UNC5A: variants seen among roughly 807,000 people sequenced by gnomAD.
The protein encoded by UNC5A is netrin receptor UNC5A.
In UNC5A, 20 loss-of-function variants were observed where a neutral mutation model predicts 87.4. The ratio of observed to expected loss-of-function variants is 0.23; its 90% CI spans 0.16 to 0.33. UNC5A has a LOEUF of 0.33. UNC5A is among the 10% of genes least tolerant of loss of function. The pLI, the probability that UNC5A is intolerant of heterozygous loss-of-function variation, is 1.00. For missense variants in UNC5A, 844 were observed against 1,133.4 expected, an observed-to-expected ratio of 0.74 and a Z score of 3.67; for synonymous variants, 438 against 482.3, an observed-to-expected ratio of 0.91 and a Z score of 1.20.
intron 2 of UNC5A, 81 bp downstream of exon 2, chr5:176,862,926 C>CA: frequency 6.5e-7 from 1 of 1,526,758 alleles, no homozygotes; most frequent in Non-Finnish European, 8.9e-7. Context: ...CAGCTGCCCC[C>CA]AGGATTCCCC....
chr5:176,860,761 T>C (rs1757816298), intron 1 of UNC5A, among the ~76,000 whole-genome samples: 3 of 152,270 alleles, frequency 2.0e-5, no homozygotes, highest in African/African-American at 4.8e-5. Flanking sequence ...TTTCACGACA[T>C]GTGAACTGCA....
intron 1 of UNC5A, among the ~76,000 whole-genome samples, chr5:176,857,900 A>G (rs1000143): frequency 0.89 from 134,902 of 152,238 alleles, 60,042 homozygotes; most frequent in Non-Finnish European, 0.91. Context: ...GTGACATGGC[A>G]GAAGGAGCCT....
intron 1 of UNC5A, among the ~76,000 whole-genome samples, chr5:176,852,520 T>C (rs1037174182): frequency 6.6e-6 from 1 of 152,236 alleles, no homozygotes; most frequent in Non-Finnish European, 1.5e-5. Context: ...TGCAGCTTAT[T>C]AAGTTCTAAC....
At chr5:176,852,813 C>T (rs1031759663) in intron 1 of UNC5A, among the ~76,000 whole-genome samples, 3 of 152,258 alleles carry the variant, frequency 2.0e-5, no homozygotes, top group Non-Finnish European at 2.9e-5. Context: ...CCAGTTCACT[C>T]TGCGTTTGCG....
In UNC5A at chr5:176,862,718, C is replaced by T. The variant is rs759861692; in HGVS notation, c.165C>T (p.Ile55=). 10 of 1,613,456 alleles carry T rather than the reference C, an allele frequency of 6.2e-6. No individual in the cohort carries two copies. The highest frequency in any genetic ancestry group is 4.5e-5 in the East Asian group (2 of 44,894). ...TGGTGGAGCCCGAGGATGTGTACAT[C>T]GTCAAGAACAAGCCAGTGCTGCTTG... The part of the protein sequence containing the change: ...HFLVEPEDVY[I]VKNKPVLLVC... The change falls in exon 2 of 15, where the codon ATC becomes ATT. Residue 55 remains isoleucine, a synonymous_variant. Coordinates refer to ENST00000329542, the MANE Select transcript of UNC5A (RefSeq NM_133369.3).
At chr5:176,812,313 G>A (rs959565574) in intron 1 of UNC5A, among the ~76,000 whole-genome samples, 1 of 152,350 alleles carries the variant, frequency 6.6e-6, no homozygotes, top group Non-Finnish European at 1.5e-5. Context: ...CTGACACCCA[G>A]TAGGTACCCT....
chr5:176,861,720 C>A (rs1162867458), intron 1 of UNC5A, among the ~76,000 whole-genome samples: 1 of 152,224 alleles, frequency 6.6e-6, no homozygotes, highest in South Asian at 2.1e-4. Flanking sequence ...AAGGTCACCA[C>A]TAAGATGAGC....
At chr5:176,852,911 C>A (rs1393478838) in intron 1 of UNC5A, among the ~76,000 whole-genome samples, 1 of 152,238 alleles carries the variant, frequency 6.6e-6, no homozygotes, top group Non-Finnish European at 1.5e-5. Context: ...GCTGTTGTGA[C>A]ATGTTTTACG....
Position 176,844,991 on chromosome 5 carries a change from G to A in UNC5A, c.71-17633G>A, listed in dbSNP as rs1275673968. Among the ~76,000 whole-genome samples the A allele has an allele frequency of 6.6e-6, 1 of 152,142 alleles. No individual in the cohort carries two copies. The highest frequency in any genetic ancestry group is 1.5e-5 in the Non-Finnish European group (1 of 68,022). On this transcript the variant is annotated intron_variant, in intron 1 of 14. Coordinates refer to ENST00000329542, the MANE Select transcript of UNC5A (RefSeq NM_133369.3). The surrounding 1 kb of genome is among the most constrained non-coding windows in gnomAD (Gnocchi z 4.2). ...GGGCGGTGGTCTTGCCCTCCCCTGA[G>A]AGTGAGCAGTAGGCCAAGGTTTCTC...
chr5:176,829,881 C>CTTTTTTTTTT (rs70991576), intron 1 of UNC5A, among the ~76,000 whole-genome samples: 5 of 87,368 alleles, frequency 5.7e-5, no homozygotes, highest in Admixed American at 1.7e-4. Flanking sequence ...ATCACTGCTC[C>CTTTTTTTTTT]TTTTTTTTTT....
intron 1 of UNC5A, among the ~76,000 whole-genome samples, chr5:176,860,888 G>A (rs539421363): frequency 2.0e-5 from 3 of 152,142 alleles, no homozygotes; most frequent in Non-Finnish European, 2.9e-5. Flanking sequence ...GGGAGAGGCC[G>A]GAGTCTGGCA....
At chr5:176,862,166 TG>T (rs954573242) in intron 1 of UNC5A, among the ~76,000 whole-genome samples, 2 of 152,198 alleles carry the variant, frequency 1.3e-5, no homozygotes, top group Non-Finnish European at 2.9e-5. Context: ...GGGCCAGGGA[TG>T]GGGCCAACCA....
At chr5:176,819,818 A>G (rs1756684955) in intron 1 of UNC5A, among the ~76,000 whole-genome samples, 1 of 152,256 alleles carries the variant, frequency 6.6e-6, no homozygotes, top group Admixed American at 6.5e-5. Context: ...CTTCTTGTCC[A>G]CCAAGAAGGG....
chr5:176,820,708 G>A (rs1258590652), intron 1 of UNC5A, among the ~76,000 whole-genome samples: 1 of 152,184 alleles, frequency 6.6e-6, no homozygotes, highest in African/African-American at 2.4e-5. Flanking sequence ...TTCTAGAACC[G>A]TGCCTGGAGT....
At chr5:176,854,286 GTCTCTGTCTC>G (rs71985975) in intron 1 of UNC5A, among the ~76,000 whole-genome samples, 11,091 of 152,174 alleles carry the variant, frequency 0.073, 873 homozygotes, top group African/African-American at 0.2. Context: ...CTCTGTCCCT[GTCTCTGTCTC>G]TCTCTGTCTC....
chr5:176,821,452 TGGA>T (rs1756726327), intron 1 of UNC5A, among the ~76,000 whole-genome samples: 1 of 152,198 alleles, frequency 6.6e-6, no homozygotes, highest in African/African-American at 2.4e-5. Flanking sequence ...CTGGCTCCAC[TGGA>T]GGCCCGTCTT....
At chr5:176,811,629 C>G (rs184193745) in intron 1 of UNC5A, among the ~76,000 whole-genome samples, 1 of 152,292 alleles carries the variant, frequency 6.6e-6, no homozygotes, top group Admixed American at 6.5e-5. Context: ...GAGGAAGTTC[C>G]CCTGCATCCT....
chr5:176,872,445 TCGCC>T (rs1758143649), intron 6 of UNC5A, among the ~76,000 whole-genome samples: 1 of 15,102 alleles, frequency 6.6e-5, no homozygotes, highest in Non-Finnish European at 1.1e-4. Flanking sequence ...CTGCCCACAC[TCGCC>T]CAACACCACA....
chr5:176,831,762 T>C (rs1028818292), intron 1 of UNC5A, among the ~76,000 whole-genome samples: 2 of 152,040 alleles, frequency 1.3e-5, no homozygotes, highest in Non-Finnish European at 2.9e-5. Context: ...CTGTCTGCTC[T>C]CAACCCACCC....
Sources: gnomAD v4.1 joint callset for allele counts (sites outside exome capture counted in the v4.1 genomes callset) on GRCh38, gnomAD v4.1.1 for gene constraint, Gnocchi (gnomAD v3.1) non-coding constraint, MANE v1.5 for transcripts, NCBI Gene and HGNC (gene_info 2026-07-23, HGNC 2026-07-21) for gene names.